Variants in ZNF668 observed in about 807,000 individuals in gnomAD.
ZNF668 encodes the protein zinc finger protein 668.
ZNF668 carries 10 observed loss-of-function variants against 40.3 expected under a neutral mutation model. The observed-to-expected ratio is 0.25, with a 90% CI of 0.15 to 0.42. ZNF668 has a LOEUF of 0.42. Among genes scored for constraint, ZNF668 ranks in the 10% least tolerant of loss-of-function variants. The probability of loss-of-function intolerance (pLI) is 1.00; values close to 1 mark genes in which losing one functional copy is unlikely to be tolerated. For missense variants in ZNF668, 749 were observed against 904.6 expected, an observed-to-expected ratio of 0.83 and a Z score of 2.21; for synonymous variants, 428 against 384.6, an observed-to-expected ratio of 1.11 and a Z score of -1.32.
Position 31,064,398 on chromosome 16 carries a change from C to T in ZNF668, c.62G>A (p.Arg21His). 8 of 1,613,542 alleles carry T rather than the reference C, an allele frequency of 5.0e-6. No individual in the cohort carries two copies. The highest frequency in any genetic ancestry group is 6.8e-6 in the Non-Finnish European group (8 of 1,180,006). The change falls in exon 2 of 3, where the codon CGC (arginine) becomes CAC (histidine). Residue 21 changes from arginine to histidine, a missense_variant. By Grantham distance (29) the Arg-to-His change is conservative (BLOSUM62 0). This residue lies in a region of ZNF668 where 159 missense variants were observed against 139.8 expected (regional missense o/e 1.14). Transcript: ENST00000300849. The stretch of plus-strand genomic sequence containing the variant: ...CTTGGTACAGGACAGGCACTTGTAG[C>T]GGCGGCCCGAGCGCTTGTAGCCGGG... ...PAPGYKRSGR[R>H]YKCLSCTKTF...
chr16:31,062,002 T>G lies in ZNF668; in HGVS notation c.926A>C (p.His309Pro). The change falls in exon 3 of 3, where the codon CAC becomes CCC. Residue 309 changes from histidine to proline, a missense_variant. By Grantham distance (77) the His-to-Pro change is moderately conservative (BLOSUM62 -2). This residue lies in a region of ZNF668 where 129 missense variants were observed against 231.2 expected (regional missense o/e 0.56). Coordinates refer to ENST00000300849, the MANE Select transcript of ZNF668 (RefSeq NM_024706.5). ...GAAGTCCTTGCCGCACTTCTCGCAG[T>G]GGTATGGCTTCACCCCTTCATGGGC... ...QRAHEGVKPY[H>P]CEKCGKDFRQ... The G allele has an allele frequency of 6.2e-7, 1 of 1,613,628 alleles. No individual in the cohort carries two copies. Among genetic ancestry groups the G allele is most frequent in the Non-Finnish European group, 8.5e-7 (1 of 1,179,830 alleles).
rs758579732 is a variant in ZNF668 at position 31,064,352 on chromosome 16, C to G, written c.108G>C (p.Arg36Ser). Residue 36 changes from arginine (R) to serine (S), a missense_variant, in exon 2 of 3, where the codon AGG becomes AGC. Physicochemically the swap from Arg to Ser is moderately radical, Grantham distance 110 (BLOSUM62 -1). Coordinates refer to ENST00000300849, the MANE Select transcript of ZNF668 (RefSeq NM_024706.5). ...SCTKTFPNAP[R>S]AARHAATHGP... ...CATGTGTGGCAGCGTGGCGCGCTGC[C>G]CTGGGCGCGTTTGGAAATGTCTTGG... 1 of 1,613,836 alleles carries G rather than the reference C, an allele frequency of 6.2e-7. No homozygotes were observed. Among genetic ancestry groups the G allele is most frequent in the South Asian group, 1.1e-5 (1 of 91,082 alleles).
Position 31,061,956 on chromosome 16 carries a change from G to A in ZNF668, c.972C>T (p.Ala324=), listed in dbSNP as rs781199259. 1.6e-5 allele frequency: 26 copies of A among 1,613,586 alleles called. 2 individuals carry two copies. The South Asian group carries it at 2.0e-4, about 12-fold the overall frequency. ...GKDFRQPADL[A]MHRRVHTGDR... The stretch of plus-strand genomic sequence containing the variant: ...CGCCTGTGTGCACACGCCGGTGCAT[G>A]GCCAGGTCCGCCGGCTGCCGGAAGT... The change falls in exon 3 of 3, where the codon GCC becomes GCT. Residue 324 remains alanine, a synonymous_variant. Transcript: ENST00000300849. The surrounding 1 kb of genome is among the most constrained non-coding windows in gnomAD (Gnocchi z 7.7).
At chr16:31,064,932 G>C in intron 1 of ZNF668, 1 of 1,358,840 alleles carries the variant, frequency 7.4e-7, no homozygotes, top group South Asian at 1.7e-5. Context: ...TGAGCCAATG[G>C]GCTAAATCTG....
At chr16:31,064,872 T>C (rs1053135499) in intron 1 of ZNF668, 1 of 1,424,434 alleles carries the variant, frequency 7.0e-7, no homozygotes, top group East Asian at 2.5e-5. Flanking sequence ...GGGCCTGGCC[T>C]GAAGGTCTCC....
chr16:31,071,178 T>G (rs752614096), intron 1 of ZNF668, among the ~76,000 whole-genome samples: 1 of 146,612 alleles, frequency 6.8e-6, no homozygotes, highest in Non-Finnish European at 1.5e-5. Flanking sequence ...TTTTATTTAT[T>G]TATTTTCTTT....
In ZNF668 at chr16:31,061,874, T is replaced by C; in HGVS notation, c.1054A>G (p.Lys352Glu). 1 of 1,612,916 alleles carries C rather than the reference T, an allele frequency of 6.2e-7. No individual in the cohort carries two copies. Among genetic ancestry groups the C allele is most frequent in the Non-Finnish European group, 8.5e-7 (1 of 1,179,528 alleles). The change falls in exon 3 of 3, where the codon AAG becomes GAG. Residue 352 changes from lysine to glutamate, a missense_variant. By Grantham distance (56) the Lys-to-Glu change is moderately conservative. Around this residue, in one of 4 missense-constraint regions of ZNF668, gnomAD observed 129 missense variants for 231.2 expected, o/e 0.56. Transcript: ENST00000300849. The surrounding 1 kb of genome is among the most constrained non-coding windows in gnomAD (Gnocchi z 7.7). ...DKTFVASWDL[K>E]RHALVHSGQR... ...CCAGAGTGCACCAGCGCGTGCCGCT[T>C]GAGGTCCCAGGACGCCACGAACGTC...
chr16:31,065,697 C>G (rs2056976412), intron 1 of ZNF668: 1 of 151,772 alleles, frequency 6.6e-6, no homozygotes, highest in African/African-American at 2.4e-5. Flanking sequence ...ACTGAAAATA[C>G]AAAAAAATTA....
chr16:31,071,993 G>A (rs1297602939), intron 1 of ZNF668, among the ~76,000 whole-genome samples: 1 of 152,124 alleles, frequency 6.6e-6, no homozygotes, highest in Non-Finnish European at 1.5e-5. Context: ...AGTAATTAAG[G>A]CTGAATGACG....
chr16:31,071,641 T>TA (rs2057016167), intron 1 of ZNF668, among the ~76,000 whole-genome samples: 1 of 152,158 alleles, frequency 6.6e-6, no homozygotes, highest in African/African-American at 2.4e-5. Flanking sequence ...TATATAGAGA[T>TA]GGAGGTCTCA....
In ZNF668 at chr16:31,071,744, A is replaced by G. The variant is rs76411063; in HGVS notation, c.-23+1915T>C. On this transcript the variant is annotated intron_variant, in intron 1 of 2. Transcript: ENST00000300849. ...TGCTGTGATTACAGGCATGAGCCACAGTGACCAGCACCCCTCCTCTCTAAT... is the reference window on the plus strand; with the variant it reads ...TGCTGTGATTACAGGCATGAGCCACGGTGACCAGCACCCCTCCTCTCTAAT... 8.9e-3 allele frequency among the ~76,000 whole-genome samples: 1,348 copies of G among 152,316 alleles called. 11 individuals carry two copies. Among genetic ancestry groups the G allele is most frequent in the African/African-American group, 0.03 (1,267 of 41,570 alleles).
rs760739184 is a variant in ZNF668 at position 31,061,857 on chromosome 16, C to T, written c.1071G>A (p.Val357=). The change falls in exon 3 of 3, where the codon GTG becomes GTA. Residue 357 remains valine, a synonymous_variant. Coordinates refer to ENST00000300849, the MANE Select transcript of ZNF668 (RefSeq NM_024706.5). The surrounding 1 kb of genome is among the most constrained non-coding windows in gnomAD (Gnocchi z 7.7). The part of the protein sequence containing the change: ...ASWDLKRHAL[V]HSGQRPFRCE... ...AGCGGAAGGGCCGCTGGCCAGAGTG[C>T]ACCAGCGCGTGCCGCTTGAGGTCCC... The T allele has an allele frequency of 2.5e-6, 4 of 1,612,844 alleles. No individual in the cohort carries two copies. Among genetic ancestry groups the T allele is most frequent in the Middle Eastern group, 1.7e-4 (1 of 6,058 alleles).
In ZNF668 at chr16:31,061,306, AG is replaced by A; in HGVS notation, c.1621del (p.Leu541SerfsTer42). 6.3e-7 allele frequency: 1 copy of A among 1,579,466 alleles called. No individual in the cohort carries two copies. Among genetic ancestry groups the A allele is most frequent in the Non-Finnish European group, 8.6e-7 (1 of 1,161,794 alleles). ...LRRHERSHPELRPFPCTQCGK... is the reference protein window; with the variant it reads ...LRRHERSHPEXRPFPCTQCGK... ...GCACTGGGTGCAGGGGAAGGGCCGGAGCTCCGGGTGTGAGCGCTCGTGCCGA... is the reference window on the plus strand; with the variant it reads ...GCACTGGGTGCAGGGGAAGGGCCGGACTCCGGGTGTGAGCGCTCGTGCCGA... On this transcript the variant is annotated frameshift_variant, in exon 3 of 3. Transcript: ENST00000300849. LOFTEE classifies it high-confidence loss of function. The surrounding 1 kb of genome is among the most constrained non-coding windows in gnomAD (Gnocchi z 7.7).
intron 1 of ZNF668, among the ~76,000 whole-genome samples, chr16:31,071,152 G>A (rs191035281): frequency 1.9e-4 from 28 of 150,700 alleles, no homozygotes; most frequent in African/African-American, 4.9e-4. Context: ...CACCATGCCC[G>A]GCCTATTTAT....
At chr16:31,065,832 C>T (rs1335154223) in intron 1 of ZNF668, among the ~76,000 whole-genome samples, 4 of 147,714 alleles carry the variant, frequency 2.7e-5, no homozygotes, top group African/African-American at 5.1e-5. Context: ...CCAGCCTGGG[C>T]GACAGAGCAA....
At chr16:31,072,407 A>G (rs1241045056) in intron 1 of ZNF668, among the ~76,000 whole-genome samples, 2 of 152,228 alleles carry the variant, frequency 1.3e-5, no homozygotes, top group Non-Finnish European at 2.9e-5. Context: ...CCAACTCCAC[A>G]AGGCTCAACT....
At chr16:31,062,455 T>G in intron 2 of ZNF668, 175 bp from the exon 3 acceptor site, 1 of 904,076 alleles carries the variant, frequency 1.1e-6, no homozygotes, top group Non-Finnish European at 1.6e-6. Context: ...GCTGGGTGTC[T>G]CTATTCCAAA....
intron 1 of ZNF668, 147 bp from the exon 2 acceptor site, chr16:31,064,628 G>C: frequency 6.5e-7 from 1 of 1,537,198 alleles, no homozygotes; most frequent in Non-Finnish European, 8.7e-7. Context: ...TCCTGCGTTC[G>C]TTTCCTCCCT....
At chr16:31,065,867 TAA>T (rs1264561360) in intron 1 of ZNF668, among the ~76,000 whole-genome samples, 1 of 129,414 alleles carries the variant, frequency 7.7e-6, no homozygotes, top group Non-Finnish European at 1.7e-5. Flanking sequence ...AAAAAAAAAA[TAA>T]AAAGACTATT....
Sources: gnomAD v4.1 joint callset for allele counts (sites outside exome capture counted in the v4.1 genomes callset) on GRCh38, gnomAD v4.1.1 for gene constraint, gnomAD v4.1.1 regional missense constraint, Gnocchi (gnomAD v3.1) non-coding constraint, MANE v1.5 for transcripts, NCBI Gene and HGNC (gene_info 2026-07-23, HGNC 2026-07-21) for gene names.